Variants in COPG2 observed in about 807,000 individuals in gnomAD.
The protein encoded by COPG2 is coatomer subunit gamma-2.
In COPG2, 37 loss-of-function variants were observed where a neutral mutation model predicts 46.3. The ratio of observed to expected loss-of-function variants is 0.80; its 90% CI spans 0.61 to 1.05. The LOEUF is 1.05. COPG2 is among the 50% of genes least tolerant of loss of function. The pLI, the probability that COPG2 is intolerant of heterozygous loss-of-function variation, is 0.00. For missense variants in COPG2, 427 were observed against 387.8 expected (o/e 1.10, Z -0.85); for synonymous variants, 159 against 129.7 (o/e 1.23, Z -1.53).
At chr7:130,515,594 C>G (rs1799672092) in intron 20 of COPG2, among the ~76,000 whole-genome samples, 1 of 152,110 alleles carries the variant, frequency 6.6e-6, no homozygotes, top group Non-Finnish European at 1.5e-5. Context: ...CTGCTTTAGA[C>G]AAAGGCAGGC....
chr7:130,634,236 GT>G (rs34213071), intron 5 of COPG2, among the ~76,000 whole-genome samples: 2 of 152,212 alleles, frequency 1.3e-5, no homozygotes. Context: ...ATTTAAAGTA[GT>G]TTTTTTCTAA....
At chr7:130,514,818 G>A (rs1465608687) in intron 20 of COPG2, among the ~76,000 whole-genome samples, 3 of 152,196 alleles carry the variant, frequency 2.0e-5, no homozygotes, top group Non-Finnish European at 2.9e-5. Flanking sequence ...AAAAGGTGGC[G>A]TGGTAATAAG....
rs1554448873 is a variant in COPG2, at chr7:130,591,306, G to A, written c.737+19647C>T. Among the ~76,000 whole-genome samples the A allele has an allele frequency of 8.1e-4, 76 of 94,356 alleles. No individual in the cohort carries two copies. The East Asian group carries it at 0.021, about 26-fold the overall frequency. The allele number at this position is 94,356 out of a possible 152,430, so 61.9% of individuals were successfully genotyped here. The stretch of plus-strand genomic sequence containing the variant: ...CCCCGCCCGGCCAGCCGCCCCGTCC[G>A]GGAGGTGAGGGGCGCCTCTGCCCGG... On this transcript the variant is annotated intron_variant, in intron 9 of 23. Transcript: ENST00000425248.
At chr7:130,543,536 C>T (rs1793378460) in intron 20 of COPG2, among the ~76,000 whole-genome samples, 1 of 152,120 alleles carries the variant, frequency 6.6e-6, no homozygotes, top group Non-Finnish European at 1.5e-5. Context: ...ATCAGCAATC[C>T]TCAGAATGTC....
chr7:130,569,412 A>G (rs1266557873), intron 9 of COPG2, among the ~76,000 whole-genome samples: 2 of 152,162 alleles, frequency 1.3e-5, no homozygotes, highest in Non-Finnish European at 2.9e-5. Flanking sequence ...AAGATCATTC[A>G]AGGCCACTAT....
At chr7:130,606,846 G>A (rs782627868) in intron 9 of COPG2, among the ~76,000 whole-genome samples, 75 of 152,094 alleles carry the variant, frequency 4.9e-4, no homozygotes, top group Non-Finnish European at 9.0e-4. Flanking sequence ...TACTTCTCTG[G>A]TTGAATCCTG....
intron 20 of COPG2, among the ~76,000 whole-genome samples, chr7:130,516,452 GACATTAAGGATGT>G (rs1799678862): frequency 6.6e-6 from 1 of 152,280 alleles, no homozygotes; most frequent in East Asian, 1.9e-4. Flanking sequence ...TTCTGAGAGG[GACATTAAGGATGT>G]ACTCAGAAAT....
chr7:130,556,035 G>A (rs1793618084), intron 12 of COPG2, among the ~76,000 whole-genome samples: 1 of 152,044 alleles, frequency 6.6e-6, no homozygotes, highest in Admixed American at 6.5e-5. Context: ...GAGCATTTTG[G>A]GGTGGGTCTC....
At chr7:130,569,170 C>G (rs1793853355) in intron 9 of COPG2, among the ~76,000 whole-genome samples, 1 of 151,970 alleles carries the variant, frequency 6.6e-6, no homozygotes, top group Non-Finnish European at 1.5e-5. Context: ...CAAACCAAAC[C>G]TAAACTCAGC....
chr7:130,638,652 AGCTTGCTGG>A (rs1795395677), intron 5 of COPG2, among the ~76,000 whole-genome samples: 1 of 152,086 alleles, frequency 6.6e-6, no homozygotes, highest in East Asian at 1.9e-4. Context: ...AGTGGATCTT[AGCTTGCTGG>A]GCTCCGTGGG....
intron 20 of COPG2, among the ~76,000 whole-genome samples, chr7:130,531,640 G>GA (rs1799826486): frequency 6.6e-6 from 1 of 152,266 alleles, no homozygotes; most frequent in South Asian, 2.1e-4. Flanking sequence ...ATAAGGAAGG[G>GA]AATGCGGTAG....
In COPG2 at chr7:130,511,468, G is replaced by C. The variant is rs936074841; in HGVS notation, c.2150-2809C>G. ...ACACCTACCTGGAAAATCGTGTTGA[G>C]TCTGTGGGAATGCTGTACAAATGGT... On this transcript the variant is annotated intron_variant, in intron 20 of 23. Coordinates refer to ENST00000425248, the MANE Select transcript of COPG2 (RefSeq NM_012133.6). 3 of 519,998 alleles carry C rather than the reference G, an allele frequency of 5.8e-6. No homozygotes were observed. The African/African-American group carries it at 5.8e-5, about 10-fold the overall frequency. 32.2% of individuals were successfully genotyped at this position (519,998 alleles called of 1,614,324 possible).
chr7:130,612,041 C>T (rs1472874037), intron 8 of COPG2, 111 bp downstream of exon 8: 2 of 737,984 alleles, frequency 2.7e-6, no homozygotes, highest in Non-Finnish European at 4.7e-6. Context: ...CTAGTAGCTG[C>T]TTAATTTGCC....
chr7:130,523,853 A>C (rs1799749578), intron 20 of COPG2, among the ~76,000 whole-genome samples: 1 of 151,694 alleles, frequency 6.6e-6, no homozygotes, highest in African/African-American at 2.4e-5. Context: ...AGGAGGGAGG[A>C]GGCAGGAGGA....
At chr7:130,647,283 C>A (rs1795631373) in intron 5 of COPG2, among the ~76,000 whole-genome samples, 1 of 152,052 alleles carries the variant, frequency 6.6e-6, no homozygotes. Context: ...TGATCCGCCC[C>A]ACCTCAGCCA....
chr7:130,625,807 C>G (rs1554454219), intron 5 of COPG2, among the ~76,000 whole-genome samples: 1 of 151,722 alleles, frequency 6.6e-6, no homozygotes, highest in African/African-American at 2.4e-5. Flanking sequence ...ATACTAATTC[C>G]TATCATATGC....
intron 11 of COPG2, 127 bp downstream of exon 11, chr7:130,563,137 CAAGTG>C: frequency 2.6e-6 from 1 of 384,520 alleles, no homozygotes; most frequent in Non-Finnish European, 4.6e-6. Flanking sequence ...GCCACAAATA[CAAGTG>C]AAGTGTTGTA....
chr7:130,612,890 C>A (rs564987461), intron 7 of COPG2, among the ~76,000 whole-genome samples: 3 of 152,082 alleles, frequency 2.0e-5, no homozygotes, highest in South Asian at 4.1e-4. Context: ...GTCATAAAGG[C>A]AGGTCATAAA....
intron 20 of COPG2, chr7:130,509,817 G>C (rs1161794123): frequency 5.9e-6 from 3 of 507,412 alleles, no homozygotes; most frequent in African/African-American, 3.9e-5. Flanking sequence ...TTTTAAGAGA[G>C]TGCCATGTGA....
Sources: allele counts gnomAD v4.1 joint callset (sites outside exome capture counted in the v4.1 genomes callset), GRCh38; gene constraint gnomAD v4.1.1; transcripts MANE v1.5; gene names NCBI Gene and HGNC (gene_info 2026-07-23, HGNC 2026-07-21).